The following PCDHA6 variants were observed in gnomAD, a reference collection of about 807,000 sequenced individuals.
PCDHA6 encodes the protein protocadherin alpha-6.
A neutral mutation model predicts 60.3 loss-of-function variants in PCDHA6; 55 were observed. The ratio of observed to expected loss-of-function variants is 0.91; its 90% CI spans 0.73 to 1.14. The LOEUF is 1.14. PCDHA6 is among the 50% of genes most tolerant of loss of function. The pLI is 0.00. For synonymous variants in PCDHA6, 652 were observed against 557.9 expected (o/e 1.17, Z -2.38); for missense variants, 1,327 against 1,256.5 (o/e 1.06, Z -0.85).
chr5:140,902,413 C>T (rs2069433988), intron 1 of PCDHA6, among the ~76,000 whole-genome samples: 1 of 152,014 alleles, frequency 6.6e-6, no homozygotes, highest in African/African-American at 2.4e-5. Context: ...TGTTGAATAA[C>T]AGTGGTGAAA....
rs2098422926 is a variant in PCDHA6 at position 141,012,085 on chromosome 5, G to A, written c.*2148G>A. The A allele has an allele frequency of 1.3e-5, 2 of 153,740 alleles. No homozygotes were observed. Among genetic ancestry groups the A allele is most frequent in the Admixed American group, 1.3e-4 (2 of 15,280 alleles). 9.5% of individuals were successfully genotyped at this position (153,740 alleles called of 1,614,324 possible). A position where few individuals can be genotyped will look rare whatever the true frequency, so the allele number is the denominator to read the frequency against. ...ACATGTGAACCATTGCTACATTGTAGGTTGTGATCATTTTGCCCCACTGAA... is the reference window on the plus strand; with the variant it reads ...ACATGTGAACCATTGCTACATTGTAAGTTGTGATCATTTTGCCCCACTGAA... On this transcript the variant is annotated 3_prime_UTR_variant, in exon 4 of 4. Coordinates refer to ENST00000529310, the MANE Select transcript of PCDHA6 (RefSeq NM_018909.4).
At chr5:140,982,694 A>G in intron 3 of PCDHA6, 131 bp downstream of exon 3, 1 of 1,402,998 alleles carries the variant, frequency 7.1e-7, no homozygotes, top group Non-Finnish European at 9.4e-7. Flanking sequence ...TTCCATACAT[A>G]CATGATTTCC....
At chr5:140,986,213 C>T (rs1554247816) in intron 3 of PCDHA6, among the ~76,000 whole-genome samples, 2 of 152,208 alleles carry the variant, frequency 1.3e-5, no homozygotes, top group Non-Finnish European at 2.9e-5. Context: ...TTACTGGCCC[C>T]TTTCTCTAGC....
At chr5:140,831,279 C>T (rs1046790636) in intron 1 of PCDHA6, 1 of 152,150 alleles carries the variant, frequency 6.6e-6, no homozygotes, top group African/African-American at 2.4e-5. Flanking sequence ...TGATGGTCTT[C>T]TCTTCATGGA....
chr5:140,929,226 C>T (rs782065898), intron 1 of PCDHA6: 14 of 1,613,766 alleles, frequency 8.7e-6, no homozygotes, highest in African/African-American at 5.3e-5. Flanking sequence ...ACAATGCTGC[C>T]GACCTGCGAA....
chr5:140,959,408 A>C (rs1554224058), intron 1 of PCDHA6, among the ~76,000 whole-genome samples: 2 of 152,124 alleles, frequency 1.3e-5, no homozygotes, highest in Non-Finnish European at 1.5e-5. Context: ...TAAAGTGTTG[A>C]TTGATCTGAG....
rs528377796 is a variant in PCDHA6, at chr5:140,957,777, T to G, written c.2395-21172T>G. The stretch of plus-strand genomic sequence containing the variant: ...TTCATTATATATGTTAAGTAAAAAC[T>G]AAGTTCATCATATATGTTAAGTAAA... On this transcript the variant is annotated intron_variant, in intron 1 of 3. Coordinates refer to ENST00000529310, the MANE Select transcript of PCDHA6 (RefSeq NM_018909.4). 8.5e-5 allele frequency among the ~76,000 whole-genome samples: 13 copies of G among 152,182 alleles called. No individual in the cohort carries two copies. The South Asian group carries it at 1.7e-3, about 19-fold the overall frequency.
chr5:140,999,987 G>T (rs1033618024), intron 3 of PCDHA6, among the ~76,000 whole-genome samples: 6 of 152,042 alleles, frequency 3.9e-5, no homozygotes, highest in Non-Finnish European at 7.4e-5. Context: ...CGGCCTCTGG[G>T]TAGTGGTATT....
chr5:140,894,239 A>C (rs1323710769), intron 1 of PCDHA6, among the ~76,000 whole-genome samples: 11 of 152,028 alleles, frequency 7.2e-5, no homozygotes, highest in African/African-American at 2.2e-4. Flanking sequence ...ATGACAATGT[A>C]ATTTTCTTTT....
At chr5:140,959,568 T>A (rs1333268160) in intron 1 of PCDHA6, among the ~76,000 whole-genome samples, 1 of 152,208 alleles carries the variant, frequency 6.6e-6, no homozygotes, top group African/African-American at 2.4e-5. Flanking sequence ...GTACTAGATT[T>A]TTTGTTTCAA....
At chr5:140,930,084 A>G (rs1350674790) in intron 1 of PCDHA6, 1 of 152,142 alleles carries the variant, frequency 6.6e-6, no homozygotes, top group Non-Finnish European at 1.5e-5. Flanking sequence ...CTCTCATAAC[A>G]TCTATTTATA....
At chr5:140,924,028 G>A (rs908427261) in intron 1 of PCDHA6, among the ~76,000 whole-genome samples, 2 of 152,158 alleles carry the variant, frequency 1.3e-5, no homozygotes, top group South Asian at 4.1e-4. Context: ...TGGAGGCATG[G>A]CTGCAGACCT....
rs57893927 is a variant in PCDHA6 at position 140,946,631 on chromosome 5, T to TATATATATATATATATATATATATATAC, written c.2395-32317_2395-32316insTATATATATATATATATATATATATACA. On this transcript the variant is annotated intron_variant, in intron 1 of 3. Transcript: ENST00000529310. ...TGTGAAATATATATATATATATATA[T>TATATATATATATATATATATATATATAC]ACAATGGAATACTCATCAGCCATTA... Among the ~76,000 whole-genome samples the TATATATATATATATATATATATATATAC allele has an allele frequency of 2.1e-3, 277 of 131,730 alleles. 14 individuals carry two copies. Among genetic ancestry groups the TATATATATATATATATATATATATATAC allele is most frequent in the African/African-American group, 7.7e-3 (221 of 28,616 alleles). The allele number at this position is 131,730 out of a possible 152,430, so 86.4% of individuals were successfully genotyped here.
intron 1 of PCDHA6, chr5:140,852,843 A>G (rs2042491535): frequency 1.0e-6 from 1 of 969,432 alleles, no homozygotes; most frequent in Non-Finnish European, 1.2e-6. Context: ...TAGAGCTAGT[A>G]CTTACTAAGC....
At chr5:140,966,997 G>A in intron 1 of PCDHA6, 3 of 1,604,812 alleles carry the variant, frequency 1.9e-6, no homozygotes, top group Non-Finnish European at 2.5e-6. Flanking sequence ...CGGGTTGCTT[G>A]CGCATCAACC....
intron 1 of PCDHA6, among the ~76,000 whole-genome samples, chr5:140,907,880 A>G (rs2073662183): frequency 6.6e-6 from 1 of 152,236 alleles, no homozygotes; most frequent in Non-Finnish European, 1.5e-5. Flanking sequence ...GAGCACTCAC[A>G]TGGGATACAA....
chr5:140,835,970 G>A, intron 1 of PCDHA6: 1 of 1,613,320 alleles, frequency 6.2e-7, no homozygotes, highest in Non-Finnish European at 8.5e-7. Flanking sequence ...AGGAGCTGGA[G>A]CTGTTGCAGT....
rs1265467066 is a variant in PCDHA6 at position 140,843,106 on chromosome 5, C to A, written c.2394+12621C>A. On this transcript the variant is annotated intron_variant, in intron 1 of 3. Coordinates refer to ENST00000529310, the MANE Select transcript of PCDHA6 (RefSeq NM_018909.4). ...CGGGCCACGTGGTAGCGAAGGTGCGCGCAGTGGACGCCGACTCGGGCTACA... is the reference window on the plus strand; with the variant it reads ...CGGGCCACGTGGTAGCGAAGGTGCGAGCAGTGGACGCCGACTCGGGCTACA... 1.7e-5 allele frequency: 27 copies of A among 1,595,592 alleles called. 2 individuals are homozygous for A. The highest frequency in any genetic ancestry group is 8.4e-5 in the Admixed American group (5 of 59,298).
At chr5:140,854,274 T>A in intron 1 of PCDHA6, 1 of 562,280 alleles carries the variant, frequency 1.8e-6, no homozygotes, top group Non-Finnish European at 2.3e-6. Context: ...TAGTAGAAAT[T>A]GAGTTTAGTT....
Sources: gnomAD v4.1 joint callset for allele counts (sites outside exome capture counted in the v4.1 genomes callset) on GRCh38, gnomAD v4.1.1 for gene constraint, MANE v1.5 for transcripts, NCBI Gene and HGNC (gene_info 2026-07-23, HGNC 2026-07-21) for gene names.